The following UMAD1 variants were observed in gnomAD, a reference collection of about 807,000 sequenced individuals.
UMAD1 encodes the protein UBAP1-MVB12-associated (UMA)-domain containing protein 1.
Under a neutral mutation model 6.1 loss-of-function variants are expected in UMAD1, and 8 were observed. The observed-to-expected ratio is 1.30, with a 90% confidence interval of 0.76 to 2.35. The LOEUF is 2.35. Among genes scored for constraint, UMAD1 ranks in the 30% most tolerant of loss-of-function variants. The pLI is 0.00. For synonymous variants in UMAD1, 56 were observed against 31.4 expected (o/e 1.78, Z -2.61); for missense variants, 130 against 78.4 (o/e 1.66, Z -2.49).
chr7:7,814,397 G>A (rs1783086655), intron 3 of UMAD1, among the ~76,000 whole-genome samples: 2 of 152,048 alleles, frequency 1.3e-5, no homozygotes, highest in South Asian at 4.1e-4. Context: ...ATTGGCTAGG[G>A]GGAAGCTCAG....
chr7:7,772,657 A>G (rs900953858), intron 2 of UMAD1, among the ~76,000 whole-genome samples: 2 of 152,222 alleles, frequency 1.3e-5, no homozygotes, highest in African/African-American at 4.8e-5. Flanking sequence ...AGGAAGAACA[A>G]TTTACAGTCA....
At chr7:7,716,472 G>T (rs4634522) in intron 2 of UMAD1, among the ~76,000 whole-genome samples, 18,965 of 152,222 alleles carry the variant, frequency 0.12, 1,373 homozygotes, top group African/African-American at 0.2. Context: ...TAAGCAAGCT[G>T]GAAGCTTGCA....
intron 2 of UMAD1, chr7:7,676,290 G>T: frequency 2.5e-6 from 1 of 396,256 alleles, no homozygotes. Context: ...GTTATTGAGG[G>T]GAATAAATGA....
At chr7:7,741,884 CA>C (rs1234638811) in intron 2 of UMAD1, 4 of 202,772 alleles carry the variant, frequency 2.0e-5, no homozygotes, top group African/African-American at 7.1e-5. Flanking sequence ...AAAATAAAGT[CA>C]TTTTTTACTA....
chr7:7,730,267 T>C (rs1781221811), intron 2 of UMAD1, among the ~76,000 whole-genome samples: 1 of 152,208 alleles, frequency 6.6e-6, no homozygotes, highest in African/African-American at 2.4e-5. Context: ...AAAATACCAA[T>C]GTCTGCGATT....
chr7:7,814,928 A>G (rs1783095575), intron 3 of UMAD1, among the ~76,000 whole-genome samples: 1 of 152,104 alleles, frequency 6.6e-6, no homozygotes, highest in Non-Finnish European at 1.5e-5. Context: ...AACCTTGCCA[A>G]GCTGCTTTCG....
intron 2 of UMAD1, among the ~76,000 whole-genome samples, chr7:7,764,474 T>C (rs1476291452): frequency 5.3e-5 from 8 of 152,230 alleles, no homozygotes; most frequent in Admixed American, 3.9e-4. Flanking sequence ...CAAATTTGTT[T>C]AGATGAAGCT....
intron 2 of UMAD1, among the ~76,000 whole-genome samples, chr7:7,754,721 A>C (rs977225803): frequency 6.6e-6 from 1 of 152,242 alleles, no homozygotes; most frequent in Non-Finnish European, 1.5e-5. Flanking sequence ...GAAAACTTCT[A>C]AGTATATTTA....
intron 2 of UMAD1, among the ~76,000 whole-genome samples, chr7:7,751,712 G>A (rs576238396): frequency 6.6e-6 from 1 of 152,136 alleles, no homozygotes; most frequent in African/African-American, 2.4e-5. Flanking sequence ...AATTTACCAG[G>A]AGTAAATTTA....
intron 2 of UMAD1, among the ~76,000 whole-genome samples, chr7:7,688,552 A>G (rs1387813459): frequency 6.6e-6 from 1 of 152,172 alleles, no homozygotes; most frequent in Non-Finnish European, 1.5e-5. Flanking sequence ...TTCAGTGTCA[A>G]GATCTCAGAT....
chr7:7,690,489 T>G (rs997856390), intron 2 of UMAD1, among the ~76,000 whole-genome samples: 4 of 152,190 alleles, frequency 2.6e-5, no homozygotes, highest in Non-Finnish European at 5.9e-5. Context: ...GTATTAATCT[T>G]ATTTTTAAAT....
At chr7:7,841,997 CA>C (rs1783690207) in intron 3 of UMAD1, among the ~76,000 whole-genome samples, 1 of 152,178 alleles carries the variant, frequency 6.6e-6, no homozygotes, top group Admixed American at 6.5e-5. Flanking sequence ...ATAATGATGA[CA>C]ACATTGGACA....
At chr7:7,648,411 T>C (rs905047955) in intron 1 of UMAD1, among the ~76,000 whole-genome samples, 2 of 152,230 alleles carry the variant, frequency 1.3e-5, no homozygotes, top group Non-Finnish European at 2.9e-5. Context: ...CAGGTGTGTC[T>C]GTCTTGTAAA....
chr7:7,808,521 G>A (rs185271243), intron 3 of UMAD1, among the ~76,000 whole-genome samples: 2 of 152,070 alleles, frequency 1.3e-5, no homozygotes, highest in Non-Finnish European at 2.9e-5. Flanking sequence ...TTTGGGAATC[G>A]AGAATGTTAG....
chr7:7,812,994 G>A (rs1420146221), intron 3 of UMAD1, among the ~76,000 whole-genome samples: 3 of 152,094 alleles, frequency 2.0e-5, no homozygotes, highest in Admixed American at 1.3e-4. Context: ...TTCAGGCAGT[G>A]GAAAAGTAAC....
chr7:7,761,357 C>T (rs77263048), intron 2 of UMAD1, among the ~76,000 whole-genome samples: 8,082 of 66,852 alleles, frequency 0.12, 327 homozygotes, highest in Middle Eastern at 0.22. Context: ...AAAAGTGAGA[C>T]CTAACTAAAA....
At chr7:7,796,338 G>A (rs899469566) in intron 2 of UMAD1, among the ~76,000 whole-genome samples, 16 of 125,744 alleles carry the variant, frequency 1.3e-4, no homozygotes, top group Admixed American at 1.0e-4. Context: ...CACAACCTCC[G>A]CCTCCCAGGT....
At chr7:7,693,474 A>T (rs1780230111) in intron 2 of UMAD1, among the ~76,000 whole-genome samples, 1 of 152,034 alleles carries the variant, frequency 6.6e-6, no homozygotes, top group African/African-American at 2.4e-5. Flanking sequence ...AGTTAACCAA[A>T]TTTTTATTTG....
intron 2 of UMAD1, among the ~76,000 whole-genome samples, chr7:7,765,494 T>G (rs1314169553): frequency 6.6e-6 from 1 of 152,198 alleles, no homozygotes; most frequent in Non-Finnish European, 1.5e-5. Flanking sequence ...TTTGGTAGCT[T>G]AATATTACAA....
Sources: allele counts gnomAD v4.1 joint callset (sites outside exome capture counted in the v4.1 genomes callset), GRCh38; gene constraint gnomAD v4.1.1; transcripts MANE v1.5; gene names NCBI Gene and HGNC (gene_info 2026-07-23, HGNC 2026-07-21).